STK33: variants seen among roughly 807,000 people sequenced by gnomAD.
STK33 encodes serine/threonine kinase 33, also known as serine/threonine-protein kinase 33.
A neutral mutation model predicts 58.0 loss-of-function variants in STK33; 52 were observed. The ratio of observed to expected loss-of-function variants is 0.90; its 90% CI spans 0.72 to 1.13. The LOEUF is 1.13. STK33 is among the 50% of genes most tolerant of loss of function. The probability of loss-of-function intolerance (pLI) is 0.00; values close to 1 mark genes in which losing one functional copy is unlikely to be tolerated. For synonymous variants in STK33, 215 were observed against 200.1 expected, an observed-to-expected ratio of 1.07 and a Z score of -0.63; for missense variants, 630 against 604.2, an observed-to-expected ratio of 1.04 and a Z score of -0.45.
chr11:8,550,806 A>G (rs1000510660), intron 1 of STK33, among the ~76,000 whole-genome samples: 1 of 152,152 alleles, frequency 6.6e-6, no homozygotes, highest in Non-Finnish European at 1.5e-5. Flanking sequence ...GGAAATTCCA[A>G]ACTTTCCCAC....
At chr11:8,414,222 T>G (rs1250769867) in intron 14 of STK33, among the ~76,000 whole-genome samples, 1 of 152,196 alleles carries the variant, frequency 6.6e-6, no homozygotes, top group Non-Finnish European at 1.5e-5. Context: ...TATAATGTGG[T>G]CATTTGATTA....
the STK33 span, among the ~76,000 whole-genome samples, chr11:8,366,996 GTTA>G: frequency 6.6e-6 from 1 of 152,162 alleles, no homozygotes. Context: ...AAGTGTATTT[GTTA>G]TTCTTGTGTA....
chr11:8,576,565 A>C (rs949589260), intron 1 of STK33, among the ~76,000 whole-genome samples: 1 of 152,244 alleles, frequency 6.6e-6, no homozygotes, highest in African/African-American at 2.4e-5. Flanking sequence ...AACAGATATT[A>C]ACTTTCTCAT....
chr11:8,393,167 C>A (rs1848813792), intron 15 of STK33, among the ~76,000 whole-genome samples: 1 of 152,184 alleles, frequency 6.6e-6, no homozygotes, highest in African/African-American at 2.4e-5. Context: ...CACATTAATT[C>A]CAGAGACTGG....
At chr11:8,390,344 A>C (rs191579933), downstream of STK33, among the ~76,000 whole-genome samples, 69 of 152,318 alleles carry the variant, frequency 4.5e-4, no homozygotes, top group Non-Finnish European at 9.7e-4. Flanking sequence ...GGAGCACAGG[A>C]GGTGTCACAG....
chr11:8,518,180 A>C (rs1363759397), intron 1 of STK33, among the ~76,000 whole-genome samples: 4 of 152,262 alleles, frequency 2.6e-5, no homozygotes, highest in African/African-American at 9.6e-5. Context: ...GAGTGGGGGC[A>C]AATATTCAAC....
intron 1 of STK33, among the ~76,000 whole-genome samples, chr11:8,532,822 C>A (rs1318991981): frequency 1.3e-5 from 2 of 152,186 alleles, no homozygotes; most frequent in African/African-American, 4.8e-5. Flanking sequence ...TTTTCAAAAT[C>A]TGTTGGATAA....
intron 1 of STK33, among the ~76,000 whole-genome samples, chr11:8,588,079 A>G (rs908546189): frequency 5.9e-5 from 9 of 152,170 alleles, no homozygotes; most frequent in Admixed American, 3.9e-4. Context: ...CTCATGGTAG[A>G]GAACAGAGAG....
chr11:8,442,386 C>T (rs975296438), intron 11 of STK33, among the ~76,000 whole-genome samples: 1 of 152,160 alleles, frequency 6.6e-6, no homozygotes, highest in Admixed American at 6.5e-5. Context: ...CACACTGGTG[C>T]AGCACACAGC....
At chr11:8,448,598 G>A (rs1945835476) in intron 11 of STK33, among the ~76,000 whole-genome samples, 1 of 152,120 alleles carries the variant, frequency 6.6e-6, no homozygotes, top group African/African-American at 2.4e-5. Context: ...AGCTGAAACT[G>A]GATCCCTTCC....
At chr11:8,387,216 C>T (rs965015762), downstream of STK33, among the ~76,000 whole-genome samples, 1 of 152,200 alleles carries the variant, frequency 6.6e-6, no homozygotes, top group African/African-American at 2.4e-5. Flanking sequence ...CTCTAGGCTC[C>T]TGCTGGAGAC....
At chr11:8,576,390 A>G (rs902479438) in intron 1 of STK33, among the ~76,000 whole-genome samples, 8 of 152,232 alleles carry the variant, frequency 5.3e-5, no homozygotes, top group African/African-American at 1.9e-4. Context: ...GGAACTTTCC[A>G]AACTATTTGA....
chr11:8,397,648 T>G (rs879027945), intron 15 of STK33, among the ~76,000 whole-genome samples: 1 of 151,972 alleles, frequency 6.6e-6, no homozygotes, highest in Non-Finnish European at 1.5e-5. Context: ...AGGCTTTAGA[T>G]GATCAAACTA....
chr11:8,551,842 C>T (rs933852462), intron 1 of STK33, among the ~76,000 whole-genome samples: 2 of 152,152 alleles, frequency 1.3e-5, no homozygotes, highest in East Asian at 1.9e-4. Flanking sequence ...ATTCAAATGC[C>T]TAGGCTTTGT....
the STK33 span, among the ~76,000 whole-genome samples, chr11:8,343,414 C>T: frequency 6.6e-6 from 1 of 152,242 alleles, no homozygotes; most frequent in Non-Finnish European, 1.5e-5. Context: ...CAGCAAATTC[C>T]TGGCACGATG....
At chr11:8,354,812 AGAG>A in the STK33 span, among the ~76,000 whole-genome samples, 1 of 152,248 alleles carries the variant, frequency 6.6e-6, no homozygotes, top group Non-Finnish European at 1.5e-5. Context: ...GGCTCTGATT[AGAG>A]GAGGGGGCCA....
chr11:8,383,704 G>A, the STK33 span, among the ~76,000 whole-genome samples: 15 of 152,294 alleles, frequency 9.8e-5, no homozygotes, highest in East Asian at 1.9e-4. Context: ...ATATTTCTCC[G>A]AATGGCATTT....
the STK33 span, among the ~76,000 whole-genome samples, chr11:8,370,863 G>A: frequency 1.3e-5 from 2 of 152,198 alleles, no homozygotes; most frequent in Admixed American, 1.3e-4. Flanking sequence ...AAAGAGCCAT[G>A]TTTTAAGAGG....
chr11:8,542,907 C>T (rs1382732679), intron 1 of STK33, among the ~76,000 whole-genome samples: 6 of 151,988 alleles, frequency 3.9e-5, no homozygotes, highest in East Asian at 3.9e-4. Context: ...AACGGGGTTT[C>T]GCCATGTTGC....
Sources: allele counts gnomAD v4.1 joint callset (sites outside exome capture counted in the v4.1 genomes callset), GRCh38; gene constraint gnomAD v4.1.1; transcripts MANE v1.5; gene names NCBI Gene and HGNC (gene_info 2026-07-23, HGNC 2026-07-21).